The following DPP6 variants were observed in gnomAD, a reference collection of about 807,000 sequenced individuals.
The protein encoded by DPP6 is A-type potassium channel modulatory protein DPP6.
A neutral mutation model predicts 122.6 loss-of-function variants in DPP6; 69 were observed. The ratio of observed to expected loss-of-function variants is 0.56; its 90% CI spans 0.46 to 0.69. The LOEUF is 0.69. Among genes scored for constraint, DPP6 ranks in the 30% least tolerant of loss-of-function variants. The pLI, the probability that DPP6 is intolerant of heterozygous loss-of-function variation, is 0.00. For synonymous variants in DPP6, 418 were observed against 433.1 expected (o/e 0.97, Z 0.43); for missense variants, 928 against 1,116.9 (o/e 0.83, Z 2.41).
rs754951037 is a variant in DPP6 at position 154,669,366 on chromosome 7, T to C, written c.687T>C (p.Pro229=). The C allele has an allele frequency of 6.4e-7, 1 of 1,554,244 alleles. No individual in the cohort carries two copies. Among genetic ancestry groups the C allele is most frequent in the Non-Finnish European group, 8.7e-7 (1 of 1,148,162 alleles). ...TTGTTTGTTCAATTTTCAGGGATCC[T>C]CAAAGTCTGGACCCACCAGAAGTCA... ...YVLSKIPHGD[P]QSLDPPEVSN... The change falls in exon 7 of 26, where the codon CCT becomes CCC. Residue 229 remains proline (P), a synonymous_variant. Transcript: ENST00000377770.
intron 13 of DPP6, 53 bp downstream of exon 13, chr7:154,801,515 G>A (rs1051098577): frequency 3.5e-5 from 53 of 1,515,850 alleles, no homozygotes; most frequent in African/African-American, 4.2e-5. Context: ...GCTAGAGGCC[G>A]TGGGGTGACA....
intron 2 of DPP6, among the ~76,000 whole-genome samples, chr7:154,447,718 A>G (rs1456149960): frequency 6.6e-6 from 1 of 152,226 alleles, no homozygotes; most frequent in African/African-American, 2.4e-5. Flanking sequence ...TAGAAAGATT[A>G]TACACCATGA....
intron 1 of DPP6, among the ~76,000 whole-genome samples, chr7:154,162,512 T>G (rs1350182117): frequency 6.6e-6 from 1 of 152,234 alleles, no homozygotes; most frequent in African/African-American, 2.4e-5. Flanking sequence ...TTCCCTGGAA[T>G]CCAGCTTGCT....
chr7:154,323,329 G>GA (rs573912686), intron 1 of DPP6, among the ~76,000 whole-genome samples: 62 of 139,752 alleles, frequency 4.4e-4, no homozygotes, highest in African/African-American at 8.6e-4. Context: ...CATTAAAAAA[G>GA]AAAAAAAAAA....
intron 16 of DPP6, among the ~76,000 whole-genome samples, chr7:154,837,389 C>T (rs891766140): frequency 6.6e-6 from 1 of 152,224 alleles, no homozygotes; most frequent in Non-Finnish European, 1.5e-5. Context: ...CATGCACGCA[C>T]ACATGCATAC....
intron 1 of DPP6, among the ~76,000 whole-genome samples, chr7:154,313,712 T>TATATATACGC (rs1554515587): frequency 4.0e-5 from 1 of 24,912 alleles, no homozygotes; most frequent in African/African-American, 1.1e-4. Flanking sequence ...TATATATATA[T>TATATATACGC]ATACACACAC....
chr7:154,556,360 A>G (rs921116552), intron 4 of DPP6, among the ~76,000 whole-genome samples: 1 of 152,206 alleles, frequency 6.6e-6, no homozygotes, highest in Non-Finnish European at 1.5e-5. Context: ...CAAATTTTGC[A>G]TAGAAGTAGC....
intron 2 of DPP6, among the ~76,000 whole-genome samples, chr7:154,448,362 A>C (rs1820065426): frequency 1.3e-5 from 2 of 152,194 alleles, no homozygotes; most frequent in Admixed American, 1.3e-4. Context: ...CTTAAGAATA[A>C]ATTTAACAAA....
intron 10 of DPP6, chr7:154,793,797 C>T: frequency 3.1e-6 from 1 of 327,148 alleles, no homozygotes; most frequent in Non-Finnish European, 5.6e-6. Context: ...CACGGAGCAG[C>T]CCCCACACCC....
At chr7:153,899,444 G>A (rs1048811673) in intron 1 of DPP6, among the ~76,000 whole-genome samples, 3 of 152,130 alleles carry the variant, frequency 2.0e-5, no homozygotes, top group Non-Finnish European at 2.9e-5. Context: ...GCAATGGATC[G>A]TCTCGCTCAT....
intron 5 of DPP6, among the ~76,000 whole-genome samples, chr7:154,602,596 T>TTG (rs1253678054): frequency 8.5e-6 from 1 of 118,156 alleles, no homozygotes; most frequent in African/African-American, 2.7e-5. Context: ...GGCTAATTTT[T>TTG]TGTGTGTGTG....
At position 154,623,487 on chromosome 7, in the gene DPP6, A is replaced by G. The variant is rs145190471; in HGVS notation, c.628-14334A>G. On this transcript the variant is annotated intron_variant, in intron 5 of 25. Transcript: ENST00000377770. ...TGAATATGATACTTCAAATAATAAAAATGTATGTGTCACCTTGGATCTGCC... is the reference window on the plus strand; with the variant it reads ...TGAATATGATACTTCAAATAATAAAGATGTATGTGTCACCTTGGATCTGCC... 7.2e-3 allele frequency among the ~76,000 whole-genome samples: 1,101 copies of G among 152,286 alleles called. 6 individuals carry two copies. The highest frequency in any genetic ancestry group is 0.025 in the African/African-American group (1,042 of 41,548).
chr7:154,401,234 T>A (rs146997893), intron 1 of DPP6, among the ~76,000 whole-genome samples: 1 of 150,982 alleles, frequency 6.6e-6, no homozygotes, highest in Non-Finnish European at 1.5e-5. Flanking sequence ...AAAACAGGTA[T>A]TACTGGCTGC....
At chr7:153,818,892 C>T in the DPP6 span, among the ~76,000 whole-genome samples, 1 of 151,802 alleles carries the variant, frequency 6.6e-6, no homozygotes, top group Non-Finnish European at 1.5e-5. Flanking sequence ...GCTGGGATTA[C>T]AGGTGCATGC....
At chr7:154,751,645 G>C (rs1212283615) in intron 8 of DPP6, among the ~76,000 whole-genome samples, 1 of 151,826 alleles carries the variant, frequency 6.6e-6, no homozygotes, top group Non-Finnish European at 1.5e-5. Context: ...AAACTCAAAG[G>C]GTCATGTCAT....
intron 1 of DPP6, among the ~76,000 whole-genome samples, chr7:154,278,509 C>A (rs1240952443): frequency 6.6e-6 from 1 of 152,198 alleles, no homozygotes; most frequent in Non-Finnish European, 1.5e-5. Flanking sequence ...TCATATCTAT[C>A]ATGAATTGAG....
At chr7:153,778,629 C>T in the DPP6 span, among the ~76,000 whole-genome samples, 13 of 151,612 alleles carry the variant, frequency 8.6e-5, no homozygotes, top group Non-Finnish European at 1.8e-4. Context: ...AGTTTCACCA[C>T]CTCAAAATAT....
At chr7:154,022,968 A>G (rs1387425312) in intron 1 of DPP6, among the ~76,000 whole-genome samples, 1 of 152,200 alleles carries the variant, frequency 6.6e-6, no homozygotes, top group Admixed American at 6.5e-5. Context: ...TCCAAGGGTC[A>G]GTACAAAGCC....
At chr7:154,132,004 A>G (rs910894165) in intron 1 of DPP6, among the ~76,000 whole-genome samples, 4 of 152,222 alleles carry the variant, frequency 2.6e-5, no homozygotes, top group Non-Finnish European at 5.9e-5. Context: ...GATATTTTTG[A>G]GGGACAAATT....
Sources: gnomAD v4.1 joint callset for allele counts (sites outside exome capture counted in the v4.1 genomes callset) on GRCh38, gnomAD v4.1.1 for gene constraint, MANE v1.5 for transcripts, NCBI Gene and HGNC (gene_info 2026-07-23, HGNC 2026-07-21) for gene names.